Variants in HLA-DRB1 observed in about 807,000 individuals in gnomAD.
HLA-DRB1 encodes the protein major histocompatibility complex, class II, DR beta 1.
Under a neutral mutation model 27.9 loss-of-function variants are expected in HLA-DRB1, and 10 were observed. The ratio of observed to expected loss-of-function variants is 0.36; its 90% CI spans 0.22 to 0.61. HLA-DRB1 has a LOEUF of 0.61. Ranked by LOEUF, HLA-DRB1 falls within the 20% of genes least tolerant of loss-of-function variation. The probability of loss-of-function intolerance (pLI) is 0.73; values close to 1 mark genes in which losing one functional copy is unlikely to be tolerated. For synonymous variants in HLA-DRB1, 57 were observed against 126.7 expected, an observed-to-expected ratio of 0.45 and a Z score of 3.69; for missense variants, 118 against 306.3, an observed-to-expected ratio of 0.39 and a Z score of 4.59.
intron 1 of HLA-DRB1, among the ~76,000 whole-genome samples, chr6:32,586,067 G>A: frequency 1.1e-5 from 1 of 90,794 alleles, no homozygotes; most frequent in Non-Finnish European, 2.3e-5. Context: ...GTGAAATACT[G>A]GCTGTGTTAA....
chr6:32,588,690 C>T (rs34559860), intron 1 of HLA-DRB1, among the ~76,000 whole-genome samples: 43 of 59,070 alleles, frequency 7.3e-4, no homozygotes, highest in African/African-American at 1.9e-3. Flanking sequence ...ACTTTCAGCC[C>T]TATGAGACGT....
Position 32,584,367 on chromosome 6 carries a change from A to AAGAAACGACGTAGAGTACTC in HLA-DRB1, c.111_112insGAGTACTCTACGTCGTTTCT (p.Trp38GlufsTer49). On this transcript the variant is annotated frameshift_variant, in exon 2 of 6. Coordinates refer to ENST00000360004, the Ensembl canonical transcript of HLA-DRB1. LOFTEE classifies it high-confidence loss of function. ...AAATGACACTCCCTCTTAGGCTGCC[A>AAGAAACGACGTAGAGTACTC]CAGGAAACGTGCTGTGGGGACACGA... 1.3e-6 allele frequency: 1 copy of AAGAAACGACGTAGAGTACTC among 745,942 alleles called. No individual in the cohort carries two copies. The highest frequency in any genetic ancestry group is 1.6e-5 in the South Asian group (1 of 61,040). 46.2% of individuals were successfully genotyped at this position (745,942 alleles called of 1,614,324 possible). A position where few individuals can be genotyped will look rare whatever the true frequency, so the allele number is the denominator to read the frequency against.
chr6:32,582,891 C>T (rs1775767971), intron 2 of HLA-DRB1, among the ~76,000 whole-genome samples: 2 of 132,206 alleles, frequency 1.5e-5, no homozygotes, highest in South Asian at 2.5e-4. Flanking sequence ...TAAGGAGAAA[C>T]CTGGAGACAA....
intron 2 of HLA-DRB1, 56 bp from the exon 3 acceptor site, chr6:32,581,894 G>GTTTAGTTT: frequency 2.2e-5 from 19 of 876,216 alleles, no homozygotes; most frequent in Admixed American, 5.2e-5. Flanking sequence ...AAGTCTCCTG[G>GTTTAGTTT]TTTGGCTGTG....
At chr6:32,585,581 T>A (rs1283037976) in intron 1 of HLA-DRB1, among the ~76,000 whole-genome samples, 6 of 140,594 alleles carry the variant, frequency 4.3e-5, no homozygotes, top group Non-Finnish European at 9.2e-5. Flanking sequence ...TTTGTATTCC[T>A]TAATTCTAAA....
intron 1 of HLA-DRB1, among the ~76,000 whole-genome samples, chr6:32,589,404 T>C (rs1777021654): frequency 3.2e-5 from 4 of 126,806 alleles, no homozygotes; most frequent in Non-Finnish European, 4.9e-5. Flanking sequence ...GCAAAGGTTT[T>C]ATTGGTGGAG....
chr6:32,581,338 G>A (rs41288089), intron 3 of HLA-DRB1, among the ~76,000 whole-genome samples: 4,693 of 57,398 alleles, frequency 0.082, 4 homozygotes, highest in Middle Eastern at 0.15. Flanking sequence ...TTCAAAAGAG[G>A]GACAGTCTCT....
chr6:32,588,316 C>T (rs34820117), intron 1 of HLA-DRB1, among the ~76,000 whole-genome samples: 1 of 132,300 alleles, frequency 7.6e-6, no homozygotes, highest in Non-Finnish European at 1.6e-5. Context: ...ATTAGCTGGG[C>T]GTGGTTGCCT....
At chr6:32,585,234 C>G (rs540912133) in intron 1 of HLA-DRB1, among the ~76,000 whole-genome samples, 27,988 of 76,872 alleles carry the variant, frequency 0.36, 8,792 homozygotes, top group Middle Eastern at 0.55. Context: ...ATTTCTGTCC[C>G]CACTCTAAGA....
intron 2 of HLA-DRB1, among the ~76,000 whole-genome samples, chr6:32,582,153 T>C (rs536820077): frequency 0.012 from 1,422 of 118,588 alleles, 47 homozygotes; most frequent in South Asian, 0.039. Flanking sequence ...CCAGGTTGCC[T>C]GGTTCGAATC....
At chr6:32,589,081 G>C (rs4713551) in intron 1 of HLA-DRB1, among the ~76,000 whole-genome samples, 20,670 of 89,910 alleles carry the variant, frequency 0.23, 592 homozygotes, top group Middle Eastern at 0.36. Flanking sequence ...TTCTGTCAGA[G>C]AACCTACATA....
At chr6:32,589,010 C>T (rs9270230) in intron 1 of HLA-DRB1, among the ~76,000 whole-genome samples, 27,209 of 71,654 alleles carry the variant, frequency 0.38, 5,177 homozygotes, top group Middle Eastern at 0.54. Context: ...CAAGTATTAA[C>T]AATCTCAGCT....
intron 2 of HLA-DRB1, among the ~76,000 whole-genome samples, chr6:32,583,391 C>T (rs9269899): frequency 0.023 from 666 of 28,384 alleles, 35 homozygotes; most frequent in East Asian, 0.044. Flanking sequence ...TAGAAAACTA[C>T]CAGCATTATA....
chr6:32,589,588 A>AATTT (rs1777059753), intron 1 of HLA-DRB1, 55 bp downstream of exon 1: 1 of 477,330 alleles, frequency 2.1e-6, no homozygotes, highest in Non-Finnish European at 3.2e-6. Flanking sequence ...AATGTTAACA[A>AATTT]AACTCCCTAT....
intron 5 of HLA-DRB1, 145 bp from the exon 6 acceptor site, chr6:32,579,249 C>A: frequency 5.1e-6 from 1 of 194,578 alleles, no homozygotes. Context: ...TCCCGCAGAG[C>A]ACACCTTTTC....
exon 6 of HLA-DRB1, chr6:32,579,097 C>T: frequency 1.1e-6 from 1 of 929,088 alleles, no homozygotes; most frequent in Non-Finnish European, 1.5e-6. Context: ...CATTTCAGCT[C>T]AGGAATCCTG....
intron 1 of HLA-DRB1, among the ~76,000 whole-genome samples, chr6:32,586,830 T>C (rs9270101): frequency 0.73 from 52,446 of 71,658 alleles, 21,762 homozygotes; most frequent in Middle Eastern, 0.84. Context: ...CTACCACCCA[T>C]TTATTTGTCA....
chr6:32,585,898 T>G (rs1776313407), intron 1 of HLA-DRB1, among the ~76,000 whole-genome samples: 1 of 139,318 alleles, frequency 7.2e-6, no homozygotes, highest in African/African-American at 2.8e-5. Context: ...GGATCATTAT[T>G]GAAATTGAAT....
intron 2 of HLA-DRB1, 94 bp downstream of exon 2, chr6:32,584,015 T>TCACA (rs1443574008): frequency 7.5e-6 from 2 of 267,924 alleles, no homozygotes; most frequent in African/African-American, 1.0e-4. Context: ...TCTGTCTCTC[T>TCACA]CTCACACACA....
Sources: gnomAD v4.1 joint callset for allele counts (sites outside exome capture counted in the v4.1 genomes callset) on GRCh38, gnomAD v4.1.1 for gene constraint, MANE v1.5 for transcripts, NCBI Gene and HGNC (gene_info 2026-07-23, HGNC 2026-07-21) for gene names.